Variants in KIF11 observed in about 807,000 individuals in gnomAD.
KIF11 encodes the protein kinesin family member 11.
Under a neutral mutation model 121.0 loss-of-function variants are expected in KIF11, and 9 were observed. The ratio of observed to expected loss-of-function variants is 0.07; its 90% CI spans 0.04 to 0.13. KIF11 has a LOEUF of 0.13. KIF11 is among the 10% of genes least tolerant of loss of function. The probability of loss-of-function intolerance (pLI) is 1.00; values close to 1 mark genes in which losing one functional copy is unlikely to be tolerated. For missense variants in KIF11, 846 were observed against 1,217.5 expected (o/e 0.69, Z 4.54); for synonymous variants, 408 against 421.0 (o/e 0.97, Z 0.38).
At chr10:92,609,829 CG>C (rs1238991234) in intron 6 of KIF11, among the ~76,000 whole-genome samples, 1 of 152,044 alleles carries the variant, frequency 6.6e-6, no homozygotes, top group Non-Finnish European at 1.5e-5. Flanking sequence ...CTCTGCCCAC[CG>C]GGTTGAAGCA....
At chr10:92,614,241 C>T (rs1844529759) in intron 8 of KIF11, among the ~76,000 whole-genome samples, 1 of 151,914 alleles carries the variant, frequency 6.6e-6, no homozygotes, top group African/African-American at 2.4e-5. Context: ...GGATTACAGG[C>T]ACCTGCCACC....
chr10:92,645,277 A>T, intron 17 of KIF11, 86 bp from the exon 18 acceptor site: 1 of 958,570 alleles, frequency 1.0e-6, no homozygotes, highest in Non-Finnish European at 1.6e-6. Context: ...CAGATCTGCC[A>T]CTTAAGAGCT....
chr10:92,618,329 A>C (rs1305701054), intron 9 of KIF11, among the ~76,000 whole-genome samples: 1 of 150,666 alleles, frequency 6.6e-6, no homozygotes, highest in East Asian at 1.9e-4. Flanking sequence ...TTATAGATTC[A>C]CATGCAGTTA....
intron 14 of KIF11, among the ~76,000 whole-genome samples, chr10:92,636,803 G>T (rs11813238): frequency 6.6e-6 from 1 of 150,850 alleles, no homozygotes; most frequent in African/African-American, 2.4e-5. Flanking sequence ...GAGGCCACGG[G>T]GGGCGGATCA....
intron 11 of KIF11, 119 bp from the exon 12 acceptor site, chr10:92,630,057 C>T: frequency 1.7e-6 from 1 of 575,670 alleles, no homozygotes; most frequent in East Asian, 3.1e-5. Flanking sequence ...TTTGTGTTAA[C>T]CTACCGGGTA....
intron 1 of KIF11, among the ~76,000 whole-genome samples, chr10:92,601,865 T>C (rs1287245065): frequency 2.6e-5 from 4 of 152,092 alleles, no homozygotes; most frequent in Non-Finnish European, 5.9e-5. Flanking sequence ...AGAGGAACAT[T>C]CTTCAGTCTT....
intron 12 of KIF11, 80 bp from the exon 13 acceptor site, chr10:92,632,406 G>C: frequency 1.1e-6 from 1 of 950,060 alleles, no homozygotes; most frequent in Non-Finnish European, 1.6e-6. Context: ...TTCTTATCAA[G>C]ATAAATCCTT....
chr10:92,623,885 CTCT>C (rs1254244176), intron 10 of KIF11, among the ~76,000 whole-genome samples: 7 of 151,570 alleles, frequency 4.6e-5, no homozygotes, highest in African/African-American at 1.7e-4. Flanking sequence ...GGTGTTTGCT[CTCT>C]TTTTTTTTAA....
intron 13 of KIF11, among the ~76,000 whole-genome samples, chr10:92,633,326 T>G (rs1844759351): frequency 6.6e-6 from 1 of 152,090 alleles, no homozygotes; most frequent in Non-Finnish European, 1.5e-5. Context: ...TTACCATAAT[T>G]CTGTATATTA....
At chr10:92,593,504 C>G in intron 1 of KIF11, 52 bp downstream of exon 1, 1 of 1,505,804 alleles carries the variant, frequency 6.6e-7, no homozygotes, top group South Asian at 1.2e-5. Flanking sequence ...CTGCTGGGCC[C>G]CCTACTGCGC....
chr10:92,597,809 G>A (rs375726916), intron 1 of KIF11, among the ~76,000 whole-genome samples: 30 of 151,718 alleles, frequency 2.0e-4, no homozygotes, highest in African/African-American at 4.8e-4. Context: ...GCGCCACCAC[G>A]CCTGGCTAAT....
intron 12 of KIF11, 142 bp from the exon 13 acceptor site, chr10:92,632,344 T>C: frequency 1.7e-6 from 1 of 586,956 alleles, no homozygotes; most frequent in Non-Finnish European, 3.0e-6. Flanking sequence ...ATTTTTGTAT[T>C]TTTAGTAGAG....
chr10:92,617,940 A>G (rs569112076), intron 9 of KIF11, among the ~76,000 whole-genome samples: 3 of 152,200 alleles, frequency 2.0e-5, no homozygotes, highest in African/African-American at 4.8e-5. Context: ...GGGTTTCACC[A>G]TGTTGGCCAG....
At chr10:92,650,562 C>T (rs1844970112) in intron 21 of KIF11, 45 bp downstream of exon 21, 2 of 1,022,544 alleles carry the variant, frequency 2.0e-6, no homozygotes, top group East Asian at 4.7e-5. Context: ...GTAAGTCATT[C>T]ATTTACTATT....
intron 16 of KIF11, 148 bp from the exon 17 acceptor site, chr10:92,639,646 T>C (rs747838162): frequency 5.6e-6 from 3 of 539,162 alleles, no homozygotes; most frequent in African/African-American, 3.9e-5. Flanking sequence ...CTTTCCTCTG[T>C]AGAAGAAAGG....
chr10:92,606,224 A>G, intron 1 of KIF11, 41 bp from the exon 2 acceptor site: 1 of 1,530,642 alleles, frequency 6.5e-7, no homozygotes, highest in South Asian at 1.3e-5. Flanking sequence ...TAACCTGAGA[A>G]CTAAGAGCTC....
intron 1 of KIF11, among the ~76,000 whole-genome samples, chr10:92,598,553 A>C (rs576129581): frequency 6.6e-6 from 1 of 152,156 alleles, no homozygotes; most frequent in Non-Finnish European, 1.5e-5. Flanking sequence ...TTCTTTTTCA[A>C]GATTGTTTTG....
intron 18 of KIF11, among the ~76,000 whole-genome samples, chr10:92,646,003 G>A (rs972696784): frequency 6.9e-6 from 1 of 144,656 alleles, no homozygotes; most frequent in Non-Finnish European, 1.5e-5. Flanking sequence ...CCAGGCTGGA[G>A]TGCAATGGCA....
chr10:92,614,401 C>T (rs1264210927), intron 8 of KIF11, among the ~76,000 whole-genome samples: 2 of 152,086 alleles, frequency 1.3e-5, no homozygotes, highest in Admixed American at 6.6e-5. Flanking sequence ...AGCCTAGCTT[C>T]GTTCATTCTA....
Sources: allele counts gnomAD v4.1 joint callset (sites outside exome capture counted in the v4.1 genomes callset), GRCh38; gene constraint gnomAD v4.1.1; transcripts MANE v1.5; gene names NCBI Gene and HGNC (gene_info 2026-07-23, HGNC 2026-07-21).